PCCA: variants seen among roughly 807,000 people sequenced by gnomAD.
PCCA encodes the protein propionyl-CoA carboxylase alpha chain, mitochondrial.
In PCCA, 74 loss-of-function variants were observed where a neutral mutation model predicts 101.3. The ratio of observed to expected loss-of-function variants is 0.73; its 90% CI spans 0.61 to 0.89. PCCA has a LOEUF of 0.89. Among genes scored for constraint, PCCA ranks in the 40% least tolerant of loss-of-function variants. The pLI is 0.00. For missense variants in PCCA, 891 were observed against 907.0 expected (o/e 0.98, Z 0.23); for synonymous variants, 294 against 313.6 (o/e 0.94, Z 0.66).
At chr13:100,491,592 G>GT in intron 21 of PCCA, 6 of 1,126,720 alleles carry the variant, frequency 5.3e-6, no homozygotes, top group Middle Eastern at 2.3e-4. Context: ...TGGGATAGAG[G>GT]TTAACTCGGT....
At chr13:100,174,998 C>T (rs185950352) in intron 6 of PCCA, among the ~76,000 whole-genome samples, 1 of 152,214 alleles carries the variant, frequency 6.6e-6, no homozygotes, top group Admixed American at 6.5e-5. Flanking sequence ...GTTCACACTT[C>T]ATTTTTCCAC....
chr13:100,464,326 C>T (rs182639020), intron 21 of PCCA: 1 of 152,270 alleles, frequency 6.6e-6, no homozygotes, highest in East Asian at 1.9e-4. Context: ...TGCCTAACCT[C>T]CCTGGTCCTC....
chr13:100,439,070 C>G (rs2152274), intron 20 of PCCA, among the ~76,000 whole-genome samples: 23,227 of 152,050 alleles, frequency 0.15, 2,294 homozygotes, highest in African/African-American at 0.28. Context: ...CTCAGTCACA[C>G]CAGTCATATT....
At chr13:100,523,296 C>A (rs1173911720) in intron 22 of PCCA, among the ~76,000 whole-genome samples, 1 of 152,192 alleles carries the variant, frequency 6.6e-6, no homozygotes, top group Non-Finnish European at 1.5e-5. Flanking sequence ...AGATAAAAGT[C>A]TCTGGGGAAA....
rs377307803 is a variant in PCCA at position 100,386,464 on chromosome 13, C to G, written c.1746+17890C>G. ...TGGCGCGATCTCAGCTCACTGCAAG[C>G]TCTGCCTCCCAGGTTCACACCATTC... On this transcript the variant is annotated intron_variant, in intron 19 of 23. Transcript: ENST00000376285. Among the ~76,000 whole-genome samples, 166 of 152,228 alleles carry G rather than the reference C, an allele frequency of 1.1e-3. 6 individuals are homozygous for G. The South Asian group carries it at 0.031, about 29-fold the overall frequency.
At chr13:100,307,918 G>T (rs2066588948) in intron 15 of PCCA, among the ~76,000 whole-genome samples, 1 of 152,118 alleles carries the variant, frequency 6.6e-6, no homozygotes, top group South Asian at 2.1e-4. Flanking sequence ...GAGTGCAGTG[G>T]CACGATCTTG....
chr13:100,491,732 G>A (rs2084923900), intron 21 of PCCA: 1 of 1,297,886 alleles, frequency 7.7e-7, no homozygotes, highest in African/African-American at 1.5e-5. Flanking sequence ...AGGAGGCCTG[G>A]GATTGAAAGC....
chr13:100,238,353 T>C (rs901510302), intron 8 of PCCA, among the ~76,000 whole-genome samples: 7 of 152,204 alleles, frequency 4.6e-5, no homozygotes, highest in African/African-American at 1.7e-4. Context: ...TTTAATGCTG[T>C]GCTTTACCTC....
At chr13:100,283,307 C>A (rs1277389977) in intron 12 of PCCA, among the ~76,000 whole-genome samples, 1 of 152,116 alleles carries the variant, frequency 6.6e-6, no homozygotes, top group East Asian at 1.9e-4. Flanking sequence ...GCAACCCATC[C>A]CCAGTATGGA....
At chr13:100,315,248 ATTTT>A (rs1038816494) in intron 16 of PCCA, among the ~76,000 whole-genome samples, 43 of 151,874 alleles carry the variant, frequency 2.8e-4, no homozygotes, top group African/African-American at 9.4e-4. Context: ...ATAATTTTGA[ATTTT>A]TTTATTTTGA....
At chr13:100,165,503 C>T (rs1352501310) in intron 6 of PCCA, among the ~76,000 whole-genome samples, 2 of 152,070 alleles carry the variant, frequency 1.3e-5, no homozygotes, top group East Asian at 3.8e-4. Context: ...AATATTTTTT[C>T]CCCTCACATT....
intron 12 of PCCA, among the ~76,000 whole-genome samples, chr13:100,291,796 C>A (rs529168079): frequency 6.6e-6 from 1 of 152,310 alleles, no homozygotes; most frequent in South Asian, 2.1e-4. Context: ...GGCAAAGAGA[C>A]CACGGACCCA....
intron 21 of PCCA, among the ~76,000 whole-genome samples, chr13:100,478,933 G>A (rs2152965816): frequency 6.6e-6 from 1 of 152,280 alleles, no homozygotes; most frequent in African/African-American, 2.4e-5. Flanking sequence ...TCTGCACAGG[G>A]TTCAGAGGGA....
intron 17 of PCCA, among the ~76,000 whole-genome samples, chr13:100,331,342 C>T (rs1195066865): frequency 1.3e-5 from 2 of 152,140 alleles, no homozygotes; most frequent in Non-Finnish European, 2.9e-5. Flanking sequence ...CAGGTGAAAG[C>T]CTCTACCTAC....
intron 1 of PCCA, among the ~76,000 whole-genome samples, 194 bp downstream of exon 1, chr13:100,089,419 C>T (rs1306004379): frequency 6.6e-6 from 1 of 152,260 alleles, no homozygotes; most frequent in African/African-American, 2.4e-5. Context: ...TCCCTCGTTG[C>T]AGCTGTTCCT....
chr13:100,406,214 C>T (rs2152862278), intron 19 of PCCA, among the ~76,000 whole-genome samples: 1 of 152,268 alleles, frequency 6.6e-6, no homozygotes, highest in East Asian at 1.9e-4. Context: ...GGTAAAATAA[C>T]CACTTTCTCC....
intron 18 of PCCA, among the ~76,000 whole-genome samples, chr13:100,346,303 G>C (rs1566971226): frequency 6.6e-6 from 1 of 152,276 alleles, no homozygotes; most frequent in African/African-American, 2.4e-5. Context: ...CAAAATAAAA[G>C]ATCAACATTA....
intron 19 of PCCA, among the ~76,000 whole-genome samples, chr13:100,383,912 A>G (rs987392454): frequency 6.6e-6 from 1 of 152,218 alleles, no homozygotes; most frequent in African/African-American, 2.4e-5. Context: ...CTTCTCTGCT[A>G]TAACTCACCC....
At chr13:100,417,795 C>G (rs980071819) in intron 19 of PCCA, among the ~76,000 whole-genome samples, 2 of 152,170 alleles carry the variant, frequency 1.3e-5, no homozygotes, top group African/African-American at 2.4e-5. Context: ...CCACTAATTA[C>G]TTACCCTAAC....
Sources: allele counts gnomAD v4.1 joint callset (sites outside exome capture counted in the v4.1 genomes callset), GRCh38; gene constraint gnomAD v4.1.1; transcripts MANE v1.5; gene names NCBI Gene and HGNC (gene_info 2026-07-23, HGNC 2026-07-21).